The following FRMD4A variants were observed in gnomAD, a reference collection of about 807,000 sequenced individuals.
FRMD4A encodes FERM domain containing 4A.
FRMD4A carries 29 observed loss-of-function variants against 129.1 expected under a neutral mutation model. That is an observed-to-expected ratio of 0.22 (90% confidence interval 0.17 to 0.31). The LOEUF (loss-of-function observed/expected upper bound fraction) is 0.31. FRMD4A is among the 10% of genes least tolerant of loss of function. The pLI, the probability that FRMD4A is intolerant of heterozygous loss-of-function variation, is 1.00. For synonymous variants in FRMD4A, 634 were observed against 571.6 expected (o/e 1.11, Z -1.56); for missense variants, 1,272 against 1,375.8 (o/e 0.92, Z 1.19).
intron 4 of FRMD4A, among the ~76,000 whole-genome samples, chr10:13,802,003 C>CAAAAAAAAAAAAAAAAAA: frequency 9.1e-6 from 1 of 109,512 alleles, no homozygotes; most frequent in Non-Finnish European, 1.8e-5. Flanking sequence ...AATAATAATG[C>CAAAAAAAAAAAAAAAAAA]AAAAAAAAAA....
At chr10:13,978,272 T>G (rs569002362) in intron 2 of FRMD4A, among the ~76,000 whole-genome samples, 1 of 152,294 alleles carries the variant, frequency 6.6e-6, no homozygotes, top group South Asian at 2.1e-4. Flanking sequence ...AGGGCTGCTT[T>G]TAGGGGGCTG....
At chr10:14,096,387 G>A (rs966760373) in intron 2 of FRMD4A, among the ~76,000 whole-genome samples, 1 of 152,156 alleles carries the variant, frequency 6.6e-6, no homozygotes, top group African/African-American at 2.4e-5. Flanking sequence ...TTTTGTTATA[G>A]CAGCCTGAAC....
intron 2 of FRMD4A, among the ~76,000 whole-genome samples, chr10:13,961,382 G>C (rs895569187): frequency 2.0e-5 from 3 of 152,208 alleles, no homozygotes; most frequent in Non-Finnish European, 4.4e-5. Flanking sequence ...TTCCAAAATA[G>C]GCCAGCTGGT....
chr10:13,772,127 A>C (rs1328191126), intron 6 of FRMD4A, among the ~76,000 whole-genome samples: 1 of 145,454 alleles, frequency 6.9e-6, no homozygotes, highest in African/African-American at 2.5e-5. Context: ...AAAAAAATAT[A>C]TATATTATAT....
intron 2 of FRMD4A, among the ~76,000 whole-genome samples, chr10:13,885,259 G>A (rs541330600): frequency 5.9e-5 from 9 of 152,174 alleles, no homozygotes; most frequent in South Asian, 2.1e-4. Context: ...AGAGTTAGGC[G>A]TTTCACAGAT....
intron 2 of FRMD4A, among the ~76,000 whole-genome samples, chr10:13,959,941 G>T (rs910472364): frequency 2.0e-5 from 3 of 152,212 alleles, no homozygotes; most frequent in Non-Finnish European, 4.4e-5. Flanking sequence ...ACCAGTAGAT[G>T]CCGTGGAAAA....
intron 2 of FRMD4A, among the ~76,000 whole-genome samples, chr10:13,981,738 C>CAAA (rs55829400): frequency 4.1e-5 from 4 of 97,646 alleles, no homozygotes; most frequent in African/African-American, 6.1e-5. Flanking sequence ...GACTCCGTGT[C>CAAA]AAAAAAAAAA....
intron 2 of FRMD4A, among the ~76,000 whole-genome samples, chr10:14,239,908 G>C (rs560398236): frequency 6.6e-6 from 1 of 152,220 alleles, no homozygotes; most frequent in Non-Finnish European, 1.5e-5. Flanking sequence ...AAGAATAGTG[G>C]TGTTTTTGCT....
rs2081072500 is a variant in FRMD4A at position 13,645,584 on chromosome 10, T to A, written c.*1454A>T. The stretch of plus-strand genomic sequence containing the variant: ...TTAATTTTTTTCTTCTTTCCTCCTC[T>A]TTTGGTATCTGCACACAAATGTGGT... On this transcript the variant is annotated 3_prime_UTR_variant, in exon 25 of 25. Transcript: ENST00000357447. 6.6e-6 allele frequency: 1 copy of A among 152,640 alleles called. No homozygotes were observed. The highest frequency in any genetic ancestry group is 2.4e-5 in the African/African-American group (1 of 41,452). The allele number at this position is 152,640 out of a possible 1,614,324, so 9.5% of individuals were successfully genotyped here.
At chr10:13,748,105 A>G (rs557727612) in intron 8 of FRMD4A, among the ~76,000 whole-genome samples, 13 of 152,194 alleles carry the variant, frequency 8.5e-5, no homozygotes, top group Non-Finnish European at 1.5e-4. Context: ...TGAAGGGCAC[A>G]GAGTGAACGC....
chr10:13,730,026 A>G lies in FRMD4A; in HGVS notation c.759+7818T>C, dbSNP rs1351496947. Among the ~76,000 whole-genome samples the G allele has an allele frequency of 3.9e-5, 6 of 151,988 alleles. No individual in the cohort carries two copies. In the South Asian group the frequency reaches 8.3e-4, roughly 21 times the overall value. The stretch of plus-strand genomic sequence containing the variant: ...ATTCTAACTCTTAGTGTCCTTTTGG[A>G]AAGTCTTTTCTGCTTTAATGTGTAA... On this transcript the variant is annotated intron_variant, in intron 12 of 24. Coordinates refer to ENST00000357447, the MANE Select transcript of FRMD4A (RefSeq NM_018027.5).
chr10:13,669,583 T>C (rs1222519911), intron 17 of FRMD4A, among the ~76,000 whole-genome samples: 1 of 152,204 alleles, frequency 6.6e-6, no homozygotes. Context: ...CATTCCTTTT[T>C]CCCCTGGCTC....
At chr10:14,045,545 A>G (rs1833952216) in intron 2 of FRMD4A, among the ~76,000 whole-genome samples, 1 of 151,244 alleles carries the variant, frequency 6.6e-6, no homozygotes, top group African/African-American at 2.4e-5. Flanking sequence ...TCGTTATTGA[A>G]TAATATGTAT....
At chr10:13,817,328 T>A (rs1347406461) in intron 3 of FRMD4A, among the ~76,000 whole-genome samples, 4 of 152,356 alleles carry the variant, frequency 2.6e-5, no homozygotes, top group South Asian at 2.1e-4. Context: ...CAGTGGGAAC[T>A]GTTCACGTTC....
intron 2 of FRMD4A, among the ~76,000 whole-genome samples, chr10:14,240,868 C>A (rs1401136078): frequency 1.3e-5 from 2 of 151,408 alleles, no homozygotes; most frequent in Non-Finnish European, 1.5e-5. Flanking sequence ...GGAAAAAAGT[C>A]CATTATTAAG....
At chr10:14,135,880 G>A (rs1391162831) in intron 2 of FRMD4A, among the ~76,000 whole-genome samples, 1 of 152,112 alleles carries the variant, frequency 6.6e-6, no homozygotes, top group Non-Finnish European at 1.5e-5. Context: ...ATTATTCCTG[G>A]TATTAGGAGA....
Position 14,192,305 on chromosome 10 carries a change from C to A in FRMD4A, c.45+137753G>T, listed in dbSNP as rs1589149958. On this transcript the variant is annotated intron_variant, in intron 2 of 24. Coordinates refer to ENST00000357447, the MANE Select transcript of FRMD4A (RefSeq NM_018027.5). ...TTTTGAATATCAGTGTGTATCCACA[C>A]ACACCTGTTTTGCTTATCTTATTTG... Among the ~76,000 whole-genome samples the A allele has an allele frequency of 2.0e-5, 3 of 152,344 alleles. 1 individual carries two copies. The East Asian group carries it at 5.8e-4, about 29-fold the overall frequency.
chr10:13,725,760 CGTT>C (rs1418724380), intron 12 of FRMD4A, among the ~76,000 whole-genome samples: 2 of 152,290 alleles, frequency 1.3e-5, no homozygotes, highest in Middle Eastern at 3.4e-3. Context: ...CACAAAGAGA[CGTT>C]GTTTGCTTTT....
intron 12 of FRMD4A, among the ~76,000 whole-genome samples, chr10:13,726,591 A>G (rs2089912748): frequency 6.6e-6 from 1 of 152,138 alleles, no homozygotes; most frequent in African/African-American, 2.4e-5. Context: ...TCCCATCCTC[A>G]GAGTTTCTGA....
Sources: gnomAD v4.1 joint callset for allele counts (sites outside exome capture counted in the v4.1 genomes callset) on GRCh38, gnomAD v4.1.1 for gene constraint, MANE v1.5 for transcripts, NCBI Gene and HGNC (gene_info 2026-07-23, HGNC 2026-07-21) for gene names.